Variants in ADORA2B observed in about 807,000 individuals in gnomAD.
ADORA2B encodes the protein adenosine receptor A2b.
A neutral mutation model predicts 20.8 loss-of-function variants in ADORA2B; 18 were observed. That is an observed-to-expected ratio of 0.87 (90% CI 0.60 to 1.29). The LOEUF (loss-of-function observed/expected upper bound fraction) is 1.29. Ranked by LOEUF, ADORA2B falls within the 50% of genes most tolerant of loss-of-function variation. ADORA2B has a pLI of 0.00. For missense variants in ADORA2B, 441 were observed against 422.7 expected, an observed-to-expected ratio of 1.04 and a Z score of -0.38; for synonymous variants, 179 against 178.3, an observed-to-expected ratio of 1.00 and a Z score of -0.03.
In ADORA2B at chr17:15,974,624, T is replaced by A. The variant is rs1241106258; in HGVS notation, c.336-55T>A. 7 of 1,481,188 alleles carry A rather than the reference T, an allele frequency of 4.7e-6. No homozygotes were observed. In the South Asian group the frequency reaches 9.0e-5, roughly 19 times the overall value. 91.8% of individuals were successfully genotyped at this position (1,481,188 alleles called of 1,614,324 possible). A position where few individuals can be genotyped will look rare whatever the true frequency, so the allele number is the denominator to read the frequency against. ...AAAAAAGAGGAGGTGGGGTCTTGGA[T>A]TGTGGTTGCAGAGCGCTATAAACTG... On this transcript the variant is annotated intron_variant, in intron 1 of 1. Coordinates refer to ENST00000304222, the MANE Select transcript of ADORA2B (RefSeq NM_000676.4).
chr17:15,958,491 C>T (rs1375550526), intron 1 of ADORA2B, among the ~76,000 whole-genome samples: 1 of 152,138 alleles, frequency 6.6e-6, no homozygotes, highest in Non-Finnish European at 1.5e-5. Context: ...TGTGCACCTC[C>T]TTCCTTTACC....
the ADORA2B span, among the ~76,000 whole-genome samples, chr17:15,869,618 G>T: frequency 2.0e-5 from 3 of 152,080 alleles, no homozygotes; most frequent in African/African-American, 4.8e-5. Flanking sequence ...CATGAGGAGG[G>T]TGCTCTCCTG....
the ADORA2B span, among the ~76,000 whole-genome samples, chr17:15,876,130 C>T: frequency 1.3e-5 from 2 of 152,122 alleles, no homozygotes; most frequent in Non-Finnish European, 2.9e-5. Context: ...TCCAGTATCT[C>T]CCTGAGAATG....
chr17:15,864,395 GT>G, the ADORA2B span, among the ~76,000 whole-genome samples: 1 of 152,036 alleles, frequency 6.6e-6, no homozygotes. Flanking sequence ...TGCTCAAAGT[GT>G]TACCGATCAT....
the ADORA2B span, among the ~76,000 whole-genome samples, chr17:15,876,128 C>T: frequency 1.3e-5 from 2 of 152,114 alleles, no homozygotes; most frequent in South Asian, 4.1e-4. Context: ...CCTCCAGTAT[C>T]TCCCTGAGAA....
chr17:15,906,156 CAG>C, the ADORA2B span, among the ~76,000 whole-genome samples: 1 of 152,204 alleles, frequency 6.6e-6, no homozygotes, highest in Non-Finnish European at 1.5e-5. Flanking sequence ...TTAAATAGGA[CAG>C]ATGAGAAAAG....
At chr17:15,874,117 TAC>T in the ADORA2B span, among the ~76,000 whole-genome samples, 1,823 of 146,956 alleles carry the variant, frequency 0.012, 43 homozygotes, top group African/African-American at 0.039. Flanking sequence ...CATATATACA[TAC>T]ACACACACAC....
the ADORA2B span, among the ~76,000 whole-genome samples, chr17:15,917,691 G>T: frequency 6.6e-6 from 1 of 152,234 alleles, no homozygotes; most frequent in Admixed American, 6.5e-5. Flanking sequence ...CGCCGGTGAC[G>T]GGGGCTCTGC....
chr17:15,962,234 C>T (rs59848501), intron 1 of ADORA2B, among the ~76,000 whole-genome samples: 15,048 of 151,838 alleles, frequency 0.099, 2,462 homozygotes, highest in African/African-American at 0.34. Flanking sequence ...ACCCGGGAGG[C>T]GGAGGTTGCA....
At chr17:15,876,757 A>C in the ADORA2B span, among the ~76,000 whole-genome samples, 1,017 of 152,020 alleles carry the variant, frequency 6.7e-3, 17 homozygotes, top group African/African-American at 0.023. Flanking sequence ...TCTTACTTTA[A>C]TTGTGGCAAA....
chr17:15,955,844 G>A (rs958427162), intron 1 of ADORA2B, among the ~76,000 whole-genome samples: 6 of 151,202 alleles, frequency 4.0e-5, no homozygotes, highest in Middle Eastern at 3.4e-3. Flanking sequence ...TCAGCCTCTC[G>A]AGTAGCTAGG....
At chr17:15,875,039 ATCTT>A in the ADORA2B span, among the ~76,000 whole-genome samples, 4 of 151,994 alleles carry the variant, frequency 2.6e-5, no homozygotes, top group East Asian at 1.9e-4. Flanking sequence ...AGTCATTTAC[ATCTT>A]TCTTCTGTGA....
At chr17:15,868,135 GT>G in the ADORA2B span, among the ~76,000 whole-genome samples, 1 of 141,736 alleles carries the variant, frequency 7.1e-6, no homozygotes, top group African/African-American at 2.7e-5. Context: ...ATTAAGGGCG[GT>G]GCAAGATGTG....
the ADORA2B span, among the ~76,000 whole-genome samples, chr17:15,909,765 T>A: frequency 6.6e-6 from 1 of 152,234 alleles, no homozygotes; most frequent in Non-Finnish European, 1.5e-5. Flanking sequence ...CTGGACTGAC[T>A]TGGCCTTCAG....
At chr17:15,893,939 C>T in the ADORA2B span, among the ~76,000 whole-genome samples, 1 of 152,190 alleles carries the variant, frequency 6.6e-6, no homozygotes, top group African/African-American at 2.4e-5. Flanking sequence ...GCTAAAGAGG[C>T]CTTCAACACT....
At chr17:15,923,541 A>G in the ADORA2B span, among the ~76,000 whole-genome samples, 5 of 151,538 alleles carry the variant, frequency 3.3e-5, no homozygotes, top group African/African-American at 1.2e-4. Flanking sequence ...AGTAGCAGAG[A>G]CTACAGGCGC....
chr17:15,911,207 A>G, the ADORA2B span, among the ~76,000 whole-genome samples: 4 of 152,182 alleles, frequency 2.6e-5, no homozygotes, highest in Admixed American at 2.0e-4. Context: ...GTCAGAACCA[A>G]TTCAACCCGA....
chr17:15,880,816 C>T, the ADORA2B span, among the ~76,000 whole-genome samples: 2 of 152,188 alleles, frequency 1.3e-5, no homozygotes, highest in Non-Finnish European at 2.9e-5. Flanking sequence ...ACAGAAACAG[C>T]CACATGGCCA....
chr17:15,920,480 T>C, the ADORA2B span, among the ~76,000 whole-genome samples: 1 of 152,202 alleles, frequency 6.6e-6, no homozygotes, highest in Non-Finnish European at 1.5e-5. Flanking sequence ...CCCAGCACTT[T>C]GGGAGGCTGA....
Sources: gnomAD v4.1 joint callset for allele counts (sites outside exome capture counted in the v4.1 genomes callset) on GRCh38, gnomAD v4.1.1 for gene constraint, MANE v1.5 for transcripts, NCBI Gene and HGNC (gene_info 2026-07-23, HGNC 2026-07-21) for gene names.